MED27: variants seen among roughly 807,000 people sequenced by gnomAD.
MED27 encodes the protein mediator complex subunit 27.
In MED27, 30 loss-of-function variants were observed where a neutral mutation model predicts 38.2. The ratio of observed to expected loss-of-function variants is 0.79; its 90% CI spans 0.59 to 1.07. MED27 has a LOEUF of 1.07. Among genes scored for constraint, MED27 ranks in the 50% least tolerant of loss-of-function variants. The pLI is 0.00. For synonymous variants in MED27, 122 were observed against 153.5 expected, an observed-to-expected ratio of 0.79 and a Z score of 1.52; for missense variants, 289 against 397.5, an observed-to-expected ratio of 0.73 and a Z score of 2.32.
intron 2 of MED27, among the ~76,000 whole-genome samples, chr9:132,015,862 G>C (rs1360393719): frequency 6.6e-6 from 1 of 152,210 alleles, no homozygotes; most frequent in South Asian, 2.1e-4. Flanking sequence ...ATTCACATGT[G>C]AAAATGCCAA....
Position 131,873,794 on chromosome 9 carries a change from G to C in MED27, c.723+10264C>G, listed in dbSNP as rs143839407. The stretch of plus-strand genomic sequence containing the variant: ...ACTTTAGAGATCAAGCTCTGTGTCT[G>C]AGAGGGGCGAGCCTGTGGATGTACT... On this transcript the variant is annotated intron_variant, in intron 6 of 7. Transcript: ENST00000292035. Among the ~76,000 whole-genome samples the C allele has an allele frequency of 1.2e-4, 19 of 152,326 alleles. 1 individual carries two copies. The East Asian group carries it at 3.5e-3, about 28-fold the overall frequency.
At chr9:131,976,386 T>C (rs1027192761) in intron 3 of MED27, among the ~76,000 whole-genome samples, 6 of 152,180 alleles carry the variant, frequency 3.9e-5, no homozygotes, top group African/African-American at 9.7e-5. Context: ...AATCAGCTGA[T>C]AAGTTATGCT....
intron 3 of MED27, among the ~76,000 whole-genome samples, chr9:131,941,763 C>T (rs1830789537): frequency 6.7e-6 from 1 of 149,932 alleles, no homozygotes; most frequent in African/African-American, 2.5e-5. Context: ...AAAAAGTGAA[C>T]TTGCTCAGAA....
At chr9:132,048,034 C>G (rs769124696) in intron 2 of MED27, among the ~76,000 whole-genome samples, 4 of 152,120 alleles carry the variant, frequency 2.6e-5, no homozygotes, top group Non-Finnish European at 4.4e-5. Flanking sequence ...GCAAAAAATT[C>G]AAAAACTGCA....
chr9:132,071,320 C>T (rs1451406170), intron 2 of MED27, among the ~76,000 whole-genome samples: 1 of 151,848 alleles, frequency 6.6e-6, no homozygotes, highest in African/African-American at 2.4e-5. Context: ...ACACGAGAAA[C>T]AGGCGTCCCA....
chr9:132,060,483 TC>T (rs1229586309), intron 2 of MED27, among the ~76,000 whole-genome samples: 2 of 151,978 alleles, frequency 1.3e-5, no homozygotes, highest in East Asian at 1.9e-4. Flanking sequence ...AATTTACTAC[TC>T]CCCCTCCCAC....
At chr9:132,020,770 C>T (rs2131086149) in intron 2 of MED27, among the ~76,000 whole-genome samples, 1 of 152,246 alleles carries the variant, frequency 6.6e-6, no homozygotes, top group Middle Eastern at 3.4e-3. Flanking sequence ...AATTGTTTTG[C>T]TTGGGTTTTA....
chr9:131,880,136 C>T (rs549207301), intron 6 of MED27, among the ~76,000 whole-genome samples: 3 of 152,266 alleles, frequency 2.0e-5, no homozygotes, highest in African/African-American at 7.2e-5. Flanking sequence ...GAGGCTACAC[C>T]GCGCATGCTT....
intron 3 of MED27, among the ~76,000 whole-genome samples, chr9:132,009,365 AGTCAAAC>A (rs1832433192): frequency 1.3e-5 from 2 of 152,194 alleles, no homozygotes; most frequent in South Asian, 4.1e-4. Flanking sequence ...CTTGCATGCC[AGTCAAAC>A]TTCGTGACTC....
chr9:131,878,433 A>G (rs919126793), intron 6 of MED27, among the ~76,000 whole-genome samples: 8 of 152,210 alleles, frequency 5.3e-5, no homozygotes. Context: ...ACGGTGCAGA[A>G]CTGAAAGGGT....
intron 3 of MED27, among the ~76,000 whole-genome samples, chr9:131,963,656 T>G (rs1028360532): frequency 3.3e-5 from 5 of 152,220 alleles, no homozygotes; most frequent in African/African-American, 1.2e-4. Context: ...TGAGTATCTT[T>G]TTAAAACAAA....
At chr9:131,867,441 AG>A (rs1310438000) in intron 6 of MED27, among the ~76,000 whole-genome samples, 1 of 152,180 alleles carries the variant, frequency 6.6e-6, no homozygotes. Context: ...GAACTACAGG[AG>A]GTTTGTCACT....
At chr9:131,916,362 G>A (rs939330491) in intron 4 of MED27, among the ~76,000 whole-genome samples, 1 of 152,314 alleles carries the variant, frequency 6.6e-6, no homozygotes, top group African/African-American at 2.4e-5. Context: ...AGGACAACCC[G>A]ATTGTCTACA....
chr9:132,063,884 C>T (rs1833749999), intron 2 of MED27, among the ~76,000 whole-genome samples: 1 of 152,190 alleles, frequency 6.6e-6, no homozygotes, highest in Admixed American at 6.5e-5. Context: ...TCTTCAAACC[C>T]ATTTGGCAGG....
intron 4 of MED27, among the ~76,000 whole-genome samples, chr9:131,921,936 C>T (rs1451614459): frequency 1.2e-4 from 18 of 150,342 alleles, no homozygotes; most frequent in Admixed American, 4.7e-4. Context: ...GAAAACCAAA[C>T]ACTGCATGTT....
At position 131,938,328 on chromosome 9, in the gene MED27, T is replaced by C. The variant is rs1830719493; in HGVS notation, c.573+1053A>G. ...TACCCAGTCCTGAACCTTACCTCCCTGACGCCCATCGAAACCATCATTCTT... is the reference window on the plus strand; with the variant it reads ...TACCCAGTCCTGAACCTTACCTCCCCGACGCCCATCGAAACCATCATTCTT... On this transcript the variant is annotated intron_variant, in intron 4 of 7. Transcript: ENST00000292035. Among the ~76,000 whole-genome samples the C allele has an allele frequency of 2.0e-5, 3 of 152,328 alleles. No homozygotes were observed. In the South Asian group the frequency reaches 6.2e-4, roughly 32 times the overall value.
rs1711891665 is a variant in MED27, at chr9:131,889,049, T to C, written c.681+4836A>G. 6.6e-6 allele frequency among the ~76,000 whole-genome samples: 1 copy of C among 152,228 alleles called. No homozygotes were observed. Among genetic ancestry groups the C allele is most frequent in the Non-Finnish European group, 1.5e-5 (1 of 68,038 alleles). On this transcript the variant is annotated intron_variant, in intron 5 of 7. Coordinates refer to ENST00000292035, the MANE Select transcript of MED27 (RefSeq NM_004269.4). This position sits in a 1 kb window ranked among gnomAD's most constrained non-coding sequence, Gnocchi z 4.2. The stretch of plus-strand genomic sequence containing the variant: ...AGAGGCCATTTTTCTGAAGGTCATC[T>C]GAACAATTTCAAAGGCTATAACAAA...
At chr9:131,893,535 G>C (rs955748161) in intron 5 of MED27, among the ~76,000 whole-genome samples, 1 of 152,184 alleles carries the variant, frequency 6.6e-6, no homozygotes, top group Admixed American at 6.5e-5. Flanking sequence ...CGTGGTTCTA[G>C]GAAAAGCAAA....
chr9:132,054,186 G>A (rs1462116940), intron 2 of MED27, among the ~76,000 whole-genome samples: 2 of 152,138 alleles, frequency 1.3e-5, no homozygotes, highest in African/African-American at 2.4e-5. Flanking sequence ...GTGTTTGGGT[G>A]AGCGGGGCGG....
Sources: allele counts gnomAD v4.1 joint callset (sites outside exome capture counted in the v4.1 genomes callset), GRCh38; gene constraint gnomAD v4.1.1; non-coding constraint Gnocchi (gnomAD v3.1); transcripts MANE v1.5; gene names NCBI Gene and HGNC (gene_info 2026-07-23, HGNC 2026-07-21).